LIPA: variants seen among roughly 807,000 people sequenced by gnomAD.
LIPA encodes lysosomal acid lipase/cholesteryl ester hydrolase.
A neutral mutation model predicts 40.6 loss-of-function variants in LIPA; 26 were observed. That is an observed-to-expected ratio of 0.64 (90% CI 0.47 to 0.89). The LOEUF is 0.89. Among genes scored for constraint, LIPA ranks in the 40% least tolerant of loss-of-function variants. LIPA has a pLI of 0.00. For synonymous variants in LIPA, 188 were observed against 168.4 expected, an observed-to-expected ratio of 1.12 and a Z score of -0.90; for missense variants, 455 against 479.6, an observed-to-expected ratio of 0.95 and a Z score of 0.48.
chr10:89,231,036 A>G (rs1842834974), intron 3 of LIPA, among the ~76,000 whole-genome samples: 1 of 152,188 alleles, frequency 6.6e-6, no homozygotes. Context: ...ATTGAAATCC[A>G]CTTGGTATAA....
intron 1 of LIPA, among the ~76,000 whole-genome samples, chr10:89,333,047 G>C (rs1022565292): frequency 6.6e-6 from 1 of 152,190 alleles, no homozygotes; most frequent in African/African-American, 2.4e-5. Context: ...TTGCTTCTCA[G>C]CAAATGTGTC....
intron 1 of LIPA, among the ~76,000 whole-genome samples, chr10:89,325,549 A>G (rs1843593670): frequency 6.6e-6 from 1 of 152,154 alleles, no homozygotes. Flanking sequence ...AAAAAAGAAT[A>G]TCATGTCCTT....
chr10:89,354,636 C>T (rs1310789300), intron 2 of LIPA, among the ~76,000 whole-genome samples: 4 of 152,166 alleles, frequency 2.6e-5, no homozygotes, highest in Non-Finnish European at 5.9e-5. Flanking sequence ...GGTGCAATCT[C>T]GGCTCAATGC....
chr10:89,408,265 G>A (rs1461778926), intron 2 of LIPA, among the ~76,000 whole-genome samples: 1 of 152,148 alleles, frequency 6.6e-6, no homozygotes, highest in Non-Finnish European at 1.5e-5. Context: ...GGCCACCTGA[G>A]GGAAGTATAA....
At chr10:89,410,722 C>G (rs888943743) in intron 2 of LIPA, among the ~76,000 whole-genome samples, 1 of 152,242 alleles carries the variant, frequency 6.6e-6, no homozygotes, top group African/African-American at 2.4e-5. Flanking sequence ...TTCCTAACCT[C>G]TGGGGGAACC....
In LIPA at chr10:89,214,752, T is replaced by C; in HGVS notation, c.*76A>G. On this transcript the variant is annotated 3_prime_UTR_variant, in exon 10 of 10. Coordinates refer to ENST00000336233, the MANE Select transcript of LIPA (RefSeq NM_000235.4). ...AAGACCTGGGAAAGAAAAACAAGTG[T>C]TTTACAGAAATGAAGCAAACACATT... is the stretch of plus-strand genomic sequence containing the variant. 1.1e-6 allele frequency: 1 copy of C among 938,968 alleles called. No individual in the cohort carries two copies. The highest frequency in any genetic ancestry group is 1.6e-5 in the African/African-American group (1 of 61,002). The allele number at this position is 938,968 out of a possible 1,614,324, so 58.2% of individuals were successfully genotyped here.
intron 3 of LIPA, among the ~76,000 whole-genome samples, chr10:89,234,918 A>C (rs1028282826): frequency 6.6e-6 from 1 of 152,248 alleles, no homozygotes; most frequent in Non-Finnish European, 1.5e-5. Flanking sequence ...GTGGTAAAGA[A>C]GTCAAGTAAC....
chr10:89,300,785 G>C (rs1370116931), intron 1 of LIPA, among the ~76,000 whole-genome samples: 1 of 152,090 alleles, frequency 6.6e-6, no homozygotes, highest in Non-Finnish European at 1.5e-5. Context: ...TCAGGAGTTC[G>C]AGACCAGCCT....
rs150147775 is a variant in LIPA, at chr10:89,219,677, G to C, written c.894+2834C>G. ...CCTGCCCGGCATCCAGGCCTGCCCA[G>C]CTTCCACAGAAGCCTTTTCCTGCAC... On this transcript the variant is annotated intron_variant, in intron 8 of 9. Coordinates refer to ENST00000336233, the MANE Select transcript of LIPA (RefSeq NM_000235.4). 2.8e-3 allele frequency among the ~76,000 whole-genome samples: 420 copies of C among 152,296 alleles called. 1 individual carries two copies. The highest frequency in any genetic ancestry group is 9.2e-3 in the African/African-American group (383 of 41,566).
At chr10:89,224,581 C>A (rs979929010) in intron 6 of LIPA, among the ~76,000 whole-genome samples, 2 of 152,208 alleles carry the variant, frequency 1.3e-5, no homozygotes, top group African/African-American at 4.8e-5. Context: ...AAATCTATTT[C>A]CTCCCTGAAC....
At chr10:89,319,622 C>A (rs1843560322) in intron 1 of LIPA, among the ~76,000 whole-genome samples, 1 of 152,220 alleles carries the variant, frequency 6.6e-6, no homozygotes, top group African/African-American at 2.4e-5. Flanking sequence ...CAACTGAATT[C>A]TACCAGAGGT....
At chr10:89,223,891 G>A (rs1483684974) in intron 6 of LIPA, 61 bp from the exon 7 acceptor site, 46 of 1,554,328 alleles carry the variant, frequency 3.0e-5, no homozygotes, top group Non-Finnish European at 3.8e-5. Context: ...ATAAGTCTCC[G>A]TGACTCACCT....
At chr10:89,384,675 T>C (rs140983813) in intron 2 of LIPA, 52 of 1,614,074 alleles carry the variant, frequency 3.2e-5, no homozygotes, top group Non-Finnish European at 4.2e-5. Flanking sequence ...GAGAAGTAAG[T>C]GATGCTTTGC....
intron 3 of LIPA, 59 bp downstream of exon 3, chr10:89,245,617 G>A: frequency 2.4e-6 from 2 of 845,428 alleles, no homozygotes; most frequent in Non-Finnish European, 4.2e-6. Context: ...ATCTGAACTT[G>A]GTTACTAACA....
intron 3 of LIPA, among the ~76,000 whole-genome samples, chr10:89,240,002 T>A (rs1157408251): frequency 6.6e-6 from 1 of 152,180 alleles, no homozygotes; most frequent in African/African-American, 2.4e-5. Flanking sequence ...AGCTTCACAG[T>A]TGAGCGAATT....
At chr10:89,336,346 C>G (rs751950961) in intron 1 of LIPA, among the ~76,000 whole-genome samples, 9 of 152,198 alleles carry the variant, frequency 5.9e-5, no homozygotes, top group Non-Finnish European at 1.0e-4. Context: ...AATCAAAGCA[C>G]ACACATAAAG....
chr10:89,306,855 A>T, intron 1 of LIPA: 2 of 1,614,100 alleles, frequency 1.2e-6, no homozygotes, highest in Non-Finnish European at 1.7e-6. Context: ...CAAGTAATGA[A>T]TCTAAGAGAG....
At position 89,396,340 on chromosome 10, in the gene LIPA, G is replaced by T. The variant is rs185390519; in HGVS notation, c.61+16451C>A. Among the ~76,000 whole-genome samples the T allele has an allele frequency of 2.1e-4, 32 of 152,242 alleles. 2 individuals are homozygous for T. Among genetic ancestry groups the T allele is most frequent in the Middle Eastern group, 3.4e-3 (1 of 294 alleles). On this transcript the variant is annotated intron_variant, in intron 2 of 8. Transcript: ENST00000371837. ...TTTCTAAAGAAAAAAGGTTTATTTA[G>T]CTCACAGTTCCGCAGCCCATACAAG... is the stretch of plus-strand genomic sequence containing the variant.
rs192350303 is a variant in LIPA at position 89,270,400 on chromosome 10, G to C, written c.-1-22751C>G. ...ATTTAGACCAAGTAAGCAGGAAATA[G>C]CAAGCATTCTAGACACCTTGGCAAG... On this transcript the variant is annotated intron_variant, in intron 1 of 5. Transcript: ENST00000282673. Among the ~76,000 whole-genome samples the C allele has an allele frequency of 4.6e-5, 7 of 152,344 alleles. No individual in the cohort carries two copies. In the East Asian group the frequency reaches 1.3e-3, roughly 29 times the overall value.
Sources: allele counts gnomAD v4.1 joint callset (sites outside exome capture counted in the v4.1 genomes callset), GRCh38; gene constraint gnomAD v4.1.1; transcripts MANE v1.5; gene names NCBI Gene and HGNC (gene_info 2026-07-23, HGNC 2026-07-21).